PRKG1: variants seen among roughly 807,000 people sequenced by gnomAD.
PRKG1 encodes cGMP-dependent protein kinase 1.
In PRKG1, 35 loss-of-function variants were observed where a neutral mutation model predicts 88.1. The observed-to-expected ratio is 0.40, with a 90% CI of 0.30 to 0.53. PRKG1 has a LOEUF of 0.53. Ranked by LOEUF, PRKG1 falls within the 20% of genes least tolerant of loss-of-function variation. The pLI is 0.59. For synonymous variants in PRKG1, 303 were observed against 292.5 expected, an observed-to-expected ratio of 1.04 and a Z score of -0.37; for missense variants, 540 against 839.8, an observed-to-expected ratio of 0.64 and a Z score of 4.41.
chr10:51,462,615 C>A (rs1307059197), intron 2 of PRKG1, among the ~76,000 whole-genome samples: 1 of 152,150 alleles, frequency 6.6e-6, no homozygotes, highest in Non-Finnish European at 1.5e-5. Context: ...TGACTCAGCT[C>A]ATTCCAGAGC....
At chr10:52,264,723 T>C (rs1841529942) in intron 10 of PRKG1, among the ~76,000 whole-genome samples, 5 of 152,124 alleles carry the variant, frequency 3.3e-5, no homozygotes, top group Admixed American at 3.3e-4. Flanking sequence ...CCCTTATGCC[T>C]TGAAGCCTGT....
intron 2 of PRKG1, among the ~76,000 whole-genome samples, chr10:51,186,954 T>TTATATATATATATA (rs3061211): frequency 5.3e-4 from 70 of 131,194 alleles, no homozygotes; most frequent in African/African-American, 9.6e-4. Context: ...AGGCCCTGTG[T>TTATATATATATATA]TATATATATA....
intron 7 of PRKG1, among the ~76,000 whole-genome samples, chr10:52,131,778 A>G (rs1837265991): frequency 7.8e-6 from 1 of 128,238 alleles, no homozygotes; most frequent in African/African-American, 2.9e-5. Context: ...GCCGAGTGCT[A>G]CTGCACTCCA....
At chr10:51,254,288 T>C (rs1414977889) in intron 2 of PRKG1, among the ~76,000 whole-genome samples, 1 of 152,068 alleles carries the variant, frequency 6.6e-6, no homozygotes, top group African/African-American at 2.4e-5. Flanking sequence ...AGTGTTCTAA[T>C]TTTCATGTCT....
intron 9 of PRKG1, among the ~76,000 whole-genome samples, chr10:52,175,207 C>T (rs1838830420): frequency 6.6e-6 from 1 of 152,042 alleles, no homozygotes; most frequent in Non-Finnish European, 1.5e-5. Context: ...ATTTTGTTTT[C>T]AGCCTCCACA....
chr10:51,273,905 C>T (rs576219668), intron 2 of PRKG1, among the ~76,000 whole-genome samples: 24 of 152,332 alleles, frequency 1.6e-4, no homozygotes, highest in Admixed American at 1.0e-3. Flanking sequence ...CAGCATGAGG[C>T]GCCTGCGCAG....
At chr10:52,001,702 G>A (rs924503599) in intron 5 of PRKG1, among the ~76,000 whole-genome samples, 2 of 151,932 alleles carry the variant, frequency 1.3e-5, no homozygotes, top group Admixed American at 1.3e-4. Context: ...AAAAATAGAA[G>A]TAAAAGGAAA....
In PRKG1 at chr10:52,148,493, A is replaced by G. The variant is rs186932985; in HGVS notation, c.1002-13396A>G. On this transcript the variant is annotated intron_variant, in intron 8 of 17. Coordinates refer to ENST00000373980, the MANE Select transcript of PRKG1 (RefSeq NM_006258.4). The stretch of plus-strand genomic sequence containing the variant: ...ACATATCTTAAACAAGAAATATTTA[A>G]GAAAACAAATTTAATATATTGAATA... 9.3e-4 allele frequency among the ~76,000 whole-genome samples: 142 copies of G among 152,324 alleles called. 1 individual carries two copies. Among genetic ancestry groups the G allele is most frequent in the African/African-American group, 3.4e-3 (141 of 41,580 alleles).
At chr10:51,276,843 T>C (rs1840135323) in intron 2 of PRKG1, among the ~76,000 whole-genome samples, 1 of 152,224 alleles carries the variant, frequency 6.6e-6, no homozygotes, top group African/African-American at 2.4e-5. Context: ...TTGATTTCAT[T>C]GTAGATTCTG....
At chr10:51,249,651 A>G (rs1401034404) in intron 2 of PRKG1, among the ~76,000 whole-genome samples, 4 of 151,874 alleles carry the variant, frequency 2.6e-5, no homozygotes, top group African/African-American at 7.2e-5. Context: ...AAAAATGACC[A>G]TTTATTAAAA....
intron 3 of PRKG1, among the ~76,000 whole-genome samples, chr10:51,560,194 T>C (rs1291919833): frequency 2.0e-5 from 3 of 152,142 alleles, no homozygotes; most frequent in Admixed American, 2.0e-4. Flanking sequence ...GGTTGTGTTT[T>C]TTTCCCTTAC....
At chr10:52,246,876 CAAAAAA>C (rs756775020) in intron 9 of PRKG1, among the ~76,000 whole-genome samples, 1 of 57,222 alleles carries the variant, frequency 1.7e-5, no homozygotes, top group Non-Finnish European at 3.2e-5. Context: ...AACACAGTCT[CAAAAAA>C]AAAAAAAAAA....
chr10:51,937,824 A>G (rs1214605667), intron 5 of PRKG1, among the ~76,000 whole-genome samples: 1 of 151,996 alleles, frequency 6.6e-6, no homozygotes, highest in African/African-American at 2.4e-5. Flanking sequence ...TGTGGCCCGA[A>G]AATATTAAAT....
chr10:51,744,695 T>A (rs554498945), intron 3 of PRKG1, among the ~76,000 whole-genome samples: 68 of 152,358 alleles, frequency 4.5e-4, no homozygotes, highest in African/African-American at 1.6e-3. Context: ...TTAAGGCTGC[T>A]GCTTACTGGA....
intron 3 of PRKG1, among the ~76,000 whole-genome samples, chr10:51,523,072 G>C (rs1381384887): frequency 6.6e-6 from 1 of 152,124 alleles, no homozygotes; most frequent in East Asian, 1.9e-4. Flanking sequence ...GATTTCTTCA[G>C]ATTATGCAAC....
intron 3 of PRKG1, among the ~76,000 whole-genome samples, chr10:51,551,522 C>T (rs1380050516): frequency 6.6e-6 from 1 of 151,602 alleles, no homozygotes; most frequent in East Asian, 1.9e-4. Flanking sequence ...TAATTGAATA[C>T]AGTATATGTG....
chr10:51,418,917 G>A (rs1466964250), intron 2 of PRKG1, among the ~76,000 whole-genome samples: 1 of 152,308 alleles, frequency 6.6e-6, no homozygotes, highest in Non-Finnish European at 1.5e-5. Flanking sequence ...TATTGTTTAG[G>A]ATTGCAGATA....
intron 3 of PRKG1, among the ~76,000 whole-genome samples, chr10:51,627,255 G>A (rs562893692): frequency 7.2e-5 from 11 of 152,200 alleles, no homozygotes; most frequent in Non-Finnish European, 1.2e-4. Context: ...GAAACTCAAG[G>A]TAGTTCAGCT....
intron 4 of PRKG1, among the ~76,000 whole-genome samples, chr10:51,876,347 G>A (rs1295231633): frequency 6.6e-6 from 1 of 152,148 alleles, no homozygotes. Flanking sequence ...GGACCTTTCT[G>A]TTTCTCAAAT....
Sources: gnomAD v4.1 joint callset for allele counts (sites outside exome capture counted in the v4.1 genomes callset) on GRCh38, gnomAD v4.1.1 for gene constraint, MANE v1.5 for transcripts, NCBI Gene and HGNC (gene_info 2026-07-23, HGNC 2026-07-21) for gene names.